The following PRIM2 variants were observed in gnomAD, a reference collection of about 807,000 sequenced individuals.
The protein encoded by PRIM2 is DNA primase subunit 2, also known as DNA primase large subunit.
Under a neutral mutation model 67.3 loss-of-function variants are expected in PRIM2, and 39 were observed. The ratio of observed to expected loss-of-function variants is 0.58; its 90% CI spans 0.45 to 0.76. The LOEUF (loss-of-function observed/expected upper bound fraction) is 0.76, where lower values mean the gene tolerates loss of function less well. PRIM2 is among the 30% of genes least tolerant of loss of function. The pLI, the probability that PRIM2 is intolerant of heterozygous loss-of-function variation, is 0.00. For synonymous variants in PRIM2, 143 were observed against 198.7 expected, an observed-to-expected ratio of 0.72 and a Z score of 2.36; for missense variants, 398 against 598.7, an observed-to-expected ratio of 0.66 and a Z score of 3.50.
intron 8 of PRIM2, among the ~76,000 whole-genome samples, chr6:57,514,845 T>G (rs1301108988): frequency 6.6e-6 from 1 of 152,082 alleles, no homozygotes; most frequent in Non-Finnish European, 1.5e-5. Context: ...GACCAAAATT[T>G]ATAAACAGTA....
the PRIM2 span, among the ~76,000 whole-genome samples, chr6:57,232,060 T>C: frequency 1.3e-5 from 2 of 152,216 alleles, no homozygotes; most frequent in Admixed American, 1.3e-4. Context: ...AAGAAGATAA[T>C]CTGTCTTGAA....
In PRIM2 at chr6:57,462,703, T is replaced by A. The variant is rs1773047804; in HGVS notation, c.694-44684T>A. On this transcript the variant is annotated intron_variant, in intron 7 of 13. Transcript: ENST00000615550. ...TTACCTGGAGCTGCTGTCTCGACTG[T>A]GTCTTCTTTTTGTGATATGGCTAAT... is the stretch of plus-strand genomic sequence containing the variant. Among the ~76,000 whole-genome samples, 6 of 152,336 alleles carry A rather than the reference T, an allele frequency of 3.9e-5. No individual in the cohort carries two copies. The South Asian group carries it at 6.2e-4, about 16-fold the overall frequency.
At chr6:57,299,418 G>A in the PRIM2 span, among the ~76,000 whole-genome samples, 3 of 152,092 alleles carry the variant, frequency 2.0e-5, no homozygotes, top group Non-Finnish European at 4.4e-5. Flanking sequence ...CTATACCCAT[G>A]GTTCTTTCTT....
intron 10 of PRIM2, among the ~76,000 whole-genome samples, chr6:57,555,947 C>G (rs1260203797): frequency 6.6e-6 from 1 of 152,174 alleles, no homozygotes; most frequent in African/African-American, 2.4e-5. Context: ...TTTTCTTGGA[C>G]AAGAAGAGCT....
rs998143401 is a variant in PRIM2, at chr6:57,410,523, A to G, written c.693+28355A>G. Among the ~76,000 whole-genome samples, 5 of 152,106 alleles carry G rather than the reference A, an allele frequency of 3.3e-5. No individual in the cohort carries two copies. The East Asian group carries it at 7.7e-4, about 24-fold the overall frequency. ...TCTTGATTATTGTAGCTTTATAATA[A>G]GTTTTGAAATTAGGTAGAGTCAGTG... On this transcript the variant is annotated intron_variant, in intron 7 of 13. Transcript: ENST00000615550.
At chr6:57,251,267 A>G in the PRIM2 span, among the ~76,000 whole-genome samples, 2 of 152,246 alleles carry the variant, frequency 1.3e-5, no homozygotes, top group Non-Finnish European at 2.9e-5. Flanking sequence ...TAAAGTTCAA[A>G]GAGATATTTA....
At chr6:57,561,144 T>A (rs1775620238) in intron 10 of PRIM2, among the ~76,000 whole-genome samples, 1 of 152,332 alleles carries the variant, frequency 6.6e-6, no homozygotes, top group Middle Eastern at 3.4e-3. Context: ...CTCCATCAGC[T>A]CTTGCCGCTT....
chr6:57,451,085 T>C (rs1193073421), intron 7 of PRIM2, among the ~76,000 whole-genome samples: 6 of 152,194 alleles, frequency 3.9e-5, no homozygotes, highest in Non-Finnish European at 8.8e-5. Flanking sequence ...TTAATGTTTT[T>C]GATGATGCAT....
At chr6:57,293,472 C>G in the PRIM2 span, among the ~76,000 whole-genome samples, 150,864 of 152,304 alleles carry the variant, frequency 0.99, 74,724 homozygotes, top group Middle Eastern at 1. Context: ...TTGACCCAGC[C>G]ATCCCATTAC....
At chr6:57,261,897 T>C in the PRIM2 span, among the ~76,000 whole-genome samples, 1 of 152,164 alleles carries the variant, frequency 6.6e-6, no homozygotes, top group South Asian at 2.1e-4. Flanking sequence ...CTATTGCTGG[T>C]CTCTGGGTGT....
chr6:57,338,396 A>T (rs1768345155), intron 5 of PRIM2, among the ~76,000 whole-genome samples: 2 of 152,056 alleles, frequency 1.3e-5, no homozygotes, highest in African/African-American at 2.4e-5. Flanking sequence ...CCGGGCAGAG[A>T]CACAACCAAA....
upstream of PRIM2, among the ~76,000 whole-genome samples, chr6:57,312,023 G>A (rs1436907731): frequency 2.2e-3 from 233 of 106,504 alleles, 1 homozygote; most frequent in African/African-American, 8.4e-3. Flanking sequence ...GGAGAGGGGA[G>A]AGGGGAGACG....
chr6:57,360,374 A>G (rs998008284), intron 5 of PRIM2, among the ~76,000 whole-genome samples: 16 of 152,170 alleles, frequency 1.1e-4, no homozygotes, highest in Admixed American at 4.6e-4. Flanking sequence ...TTAATGCTTT[A>G]TATTGGCTCT....
Position 57,505,920 on chromosome 6 carries a change from C to A in PRIM2, c.694-1467C>A, listed in dbSNP as rs1446354169. 1.3e-4 allele frequency among the ~76,000 whole-genome samples: 20 copies of A among 151,952 alleles called. No homozygotes were observed. In the East Asian group the frequency reaches 2.3e-3, roughly 18 times the overall value. On this transcript the variant is annotated intron_variant, in intron 7 of 13. Coordinates refer to ENST00000615550, the MANE Select transcript of PRIM2 (RefSeq NM_000947.5). Reference sequence around the variant, plus strand: ...TGACTTTTGAAATGTCTAGATAAATCATTTAAATCGTTTTAGAACACAGCT... The same window carrying A: ...TGACTTTTGAAATGTCTAGATAAATAATTTAAATCGTTTTAGAACACAGCT...
intron 5 of PRIM2, among the ~76,000 whole-genome samples, chr6:57,341,474 A>G (rs1423893619): frequency 2.0e-5 from 3 of 152,128 alleles, no homozygotes; most frequent in Non-Finnish European, 4.4e-5. Flanking sequence ...ACCTTTTCCC[A>G]TCTTTTTCAT....
chr6:57,370,667 T>C (rs1027834884), intron 5 of PRIM2, among the ~76,000 whole-genome samples: 4 of 151,758 alleles, frequency 2.6e-5, no homozygotes, highest in African/African-American at 9.7e-5. Flanking sequence ...AGAAACACAT[T>C]GAATTCCTTA....
At chr6:57,272,441 A>T in the PRIM2 span, among the ~76,000 whole-genome samples, 4 of 152,116 alleles carry the variant, frequency 2.6e-5, no homozygotes, top group African/African-American at 7.2e-5. Context: ...AGAGACTAGG[A>T]TTGCAACCCC....
At chr6:57,320,401 C>T in intron 2 of PRIM2, 56 bp from the exon 3 acceptor site, 1 of 1,246,014 alleles carries the variant, frequency 8.0e-7, no homozygotes, top group Admixed American at 2.5e-5. Context: ...TAGATTTTGT[C>T]TTGGATTTAG....
intron 13 of PRIM2, among the ~76,000 whole-genome samples, chr6:57,642,442 T>A (rs1777257827): frequency 9.8e-6 from 1 of 102,312 alleles, no homozygotes; most frequent in Non-Finnish European, 2.2e-5. Flanking sequence ...TATCTTTTTT[T>A]TTTTTTTTTT....
Sources: gnomAD v4.1 joint callset for allele counts (sites outside exome capture counted in the v4.1 genomes callset) on GRCh38, gnomAD v4.1.1 for gene constraint, MANE v1.5 for transcripts, NCBI Gene and HGNC (gene_info 2026-07-23, HGNC 2026-07-21) for gene names.